The following NPFFR1 variants were observed in gnomAD, a reference collection of about 807,000 sequenced individuals.
NPFFR1 encodes the protein neuropeptide FF receptor 1, also known as G-protein coupled receptor 147.
A neutral mutation model predicts 12.7 loss-of-function variants in NPFFR1; 17 were observed. That is an observed-to-expected ratio of 1.34 (90% CI 0.92 to 2.01). The LOEUF (loss-of-function observed/expected upper bound fraction) is 2.01, where lower values mean the gene tolerates loss of function less well. Among genes scored for constraint, NPFFR1 ranks in the 30% most tolerant of loss-of-function variants. The pLI, the probability that NPFFR1 is intolerant of heterozygous loss-of-function variation, is 0.00. For synonymous variants in NPFFR1, 296 were observed against 264.5 expected, an observed-to-expected ratio of 1.12 and a Z score of -1.16; for missense variants, 604 against 606.5, an observed-to-expected ratio of 1.00 and a Z score of 0.04.
At chr10:70,270,785 G>A (rs566979386) in intron 1 of NPFFR1, among the ~76,000 whole-genome samples, 1 of 152,318 alleles carries the variant, frequency 6.6e-6, no homozygotes, top group Admixed American at 6.5e-5. Context: ...TCTGCCAGGT[G>A]CCCTTGTAAT....
chr10:70,259,767 T>C (rs1840614406), intron 3 of NPFFR1, among the ~76,000 whole-genome samples: 1 of 152,250 alleles, frequency 6.6e-6, no homozygotes, highest in African/African-American at 2.4e-5. Context: ...ATATTTGGAC[T>C]CTATGCCAAG....
chr10:70,267,686 T>A (rs1166902985), intron 1 of NPFFR1, among the ~76,000 whole-genome samples: 1 of 152,222 alleles, frequency 6.6e-6, no homozygotes, highest in Non-Finnish European at 1.5e-5. Flanking sequence ...TAAACTTTCC[T>A]CCTGAGGCCT....
At position 70,255,649 on chromosome 10, in the gene NPFFR1, AGAGCGGGTAG is replaced by A; in HGVS notation, c.591_600del (p.Tyr198ThrfsTer259). 6.3e-7 allele frequency: 1 copy of A among 1,593,770 alleles called. No individual in the cohort carries two copies. The highest frequency in any genetic ancestry group is 8.5e-7 in the Non-Finnish European group (1 of 1,170,414). Reference sequence around the variant, plus strand: ...TCGGGCCAGGCCTCCCAGCAGGAGTAGAGCGGGTAGGAGCGGTTGCGGGCGTCCACCATGA... The same window carrying A: ...TCGGGCCAGGCCTCCCAGCAGGAGTAGAGCGGTTGCGGGCGTCCACCATGA... On this transcript the variant is annotated frameshift_variant, in exon 4 of 4. Coordinates refer to ENST00000277942, the MANE Select transcript of NPFFR1 (RefSeq NM_022146.5). LOFTEE classifies it low-confidence loss of function (END_TRUNC). The surrounding 1 kb of genome is among the most constrained non-coding windows in gnomAD (Gnocchi z 4.2).
intron 1 of NPFFR1, among the ~76,000 whole-genome samples, chr10:70,266,721 C>T (rs1440993596): frequency 6.6e-6 from 1 of 152,240 alleles, no homozygotes; most frequent in Non-Finnish European, 1.5e-5. Flanking sequence ...CTGCATTGCC[C>T]TGGTTCCCTT....
intron 1 of NPFFR1, among the ~76,000 whole-genome samples, chr10:70,282,059 G>A (rs1400523367): frequency 6.6e-6 from 1 of 152,104 alleles, no homozygotes; most frequent in Non-Finnish European, 1.5e-5. Context: ...TCAGTTTTCT[G>A]GCACTTCCTT....
In NPFFR1 at chr10:70,283,799, T is replaced by G; in HGVS notation, c.-123A>C. On this transcript the variant is annotated 5_prime_UTR_variant, in exon 1 of 4. Transcript: ENST00000277942. ...GCGGGCTGCGCCCCTGCCTCCGCGCTCCGCAGGTCCGGTCGGTCCGGGCAG... is the reference window on the plus strand; with the variant it reads ...GCGGGCTGCGCCCCTGCCTCCGCGCGCCGCAGGTCCGGTCGGTCCGGGCAG... The G allele has an allele frequency of 9.1e-7, 1 of 1,096,130 alleles. No individual in the cohort carries two copies. The highest frequency in any genetic ancestry group is 2.1e-5 in the Admixed American group (1 of 48,160). The allele number at this position is 1,096,130 out of a possible 1,614,324, so 67.9% of individuals were successfully genotyped here. A position where few individuals can be genotyped will look rare whatever the true frequency, so the allele number is the denominator to read the frequency against.
intron 3 of NPFFR1, 109 bp downstream of exon 3, chr10:70,260,531 A>G (rs1840620603): frequency 1.0e-6 from 1 of 967,508 alleles, no homozygotes; most frequent in Admixed American, 2.0e-5. Flanking sequence ...AGCCCCACTT[A>G]CCATGGTGCA....
At position 70,253,388 on chromosome 10, in the gene NPFFR1, A is replaced by G. The variant is rs754111005; in HGVS notation, c.*1569T>C. On this transcript the variant is annotated 3_prime_UTR_variant, in exon 4 of 4. Coordinates refer to ENST00000277942, the MANE Select transcript of NPFFR1 (RefSeq NM_022146.5). ...CTTGAAAGGCAGCATGTGGGGTGGG[A>G]AGAACAATCAGAAGACAAATTTTAA... is the stretch of plus-strand genomic sequence containing the variant. 2 of 152,158 alleles carry G rather than the reference A, an allele frequency of 1.3e-5. No homozygotes were observed. The highest frequency in any genetic ancestry group is 2.9e-5 in the Non-Finnish European group (2 of 68,032). 9.4% of individuals were successfully genotyped at this position (152,158 alleles called of 1,614,324 possible).
In NPFFR1 at chr10:70,248,378, G is replaced by C. The variant is rs1840471096; in HGVS notation, c.*6579C>G. ...CCTACCTGAATCCACAAAGGTAAGT[G>C]AAATAGACATAGTTCCTGTCCTCAT... On this transcript the variant is annotated 3_prime_UTR_variant, in exon 4 of 4. Coordinates refer to ENST00000277942, the MANE Select transcript of NPFFR1 (RefSeq NM_022146.5). 6.6e-6 allele frequency: 1 copy of C among 150,916 alleles called. No individual in the cohort carries two copies. Among genetic ancestry groups the C allele is most frequent in the Non-Finnish European group, 1.5e-5 (1 of 67,840 alleles). The allele number at this position is 150,916 out of a possible 1,614,324, so 9.3% of individuals were successfully genotyped here.
chr10:70,268,352 C>G (rs900507410), intron 1 of NPFFR1, among the ~76,000 whole-genome samples: 4 of 152,176 alleles, frequency 2.6e-5, no homozygotes, highest in Admixed American at 6.5e-5. Flanking sequence ...AAATAGCCAG[C>G]ATCCAGCAAA....
rs755115021 is a variant in NPFFR1, at chr10:70,252,658, T to C, written c.*2299A>G. ...CTGAATGGGCAGGTATAGCCTCTGA[T>C]TGATTTTTTAGAAGAAACAAAAATA... On this transcript the variant is annotated 3_prime_UTR_variant, in exon 4 of 4. Coordinates refer to ENST00000277942, the MANE Select transcript of NPFFR1 (RefSeq NM_022146.5). 2 of 152,234 alleles carry C rather than the reference T, an allele frequency of 1.3e-5. No homozygotes were observed. Among genetic ancestry groups the C allele is most frequent in the Admixed American group, 6.5e-5 (1 of 15,282 alleles). The allele number at this position is 152,234 out of a possible 1,614,324, so 9.4% of individuals were successfully genotyped here.
At position 70,255,208 on chromosome 10, in the gene NPFFR1, G is replaced by A. The variant is rs561944563; in HGVS notation, c.1042C>T (p.Leu348Phe). 2.6e-6 allele frequency: 4 copies of A among 1,549,792 alleles called. No homozygotes were observed. The African/African-American group carries it at 5.4e-5, about 21-fold the overall frequency. The change falls in exon 4 of 4, where the codon CTC becomes TTC. Residue 348 changes from leucine to phenylalanine, a missense_variant. Coordinates refer to ENST00000277942, the MANE Select transcript of NPFFR1 (RefSeq NM_022146.5). This position sits in a 1 kb window ranked among gnomAD's most constrained non-coding sequence, Gnocchi z 4.2. ...TGGCTCCCCGACGGGCGCGGGCAGAGGCGGGCGCGGAAGGCGGCCTGGAAG... is the reference window on the plus strand; with the variant it reads ...TGGCTCCCCGACGGGCGCGGGCAGAAGCGGGCGCGGAAGGCGGCCTGGAAG... ...RGFQAAFRAR[L>F]CPRPSGSHKE...
chr10:70,272,393 G>A (rs1204483080), intron 1 of NPFFR1, among the ~76,000 whole-genome samples: 2 of 152,222 alleles, frequency 1.3e-5, no homozygotes, highest in Non-Finnish European at 1.5e-5. Flanking sequence ...CTGGGAACAC[G>A]TGGGTGCCCC....
intron 1 of NPFFR1, among the ~76,000 whole-genome samples, chr10:70,274,987 T>C (rs1475435288): frequency 6.6e-6 from 1 of 152,198 alleles, no homozygotes; most frequent in Non-Finnish European, 1.5e-5. Context: ...CCTCCTACTG[T>C]TCCTCTTGCA....
chr10:70,254,944 TC>T lies in NPFFR1; in HGVS notation c.*12del. The T allele has an allele frequency of 1.1e-6, 1 of 944,818 alleles. No individual in the cohort carries two copies. 58.5% of individuals were successfully genotyped at this position (944,818 alleles called of 1,614,324 possible). A position where few individuals can be genotyped will look rare whatever the true frequency, so the allele number is the denominator to read the frequency against. On this transcript the variant is annotated 3_prime_UTR_variant, in exon 4 of 4. Coordinates refer to ENST00000277942, the MANE Select transcript of NPFFR1 (RefSeq NM_022146.5). ...GGGGCCCTGAGGCAGCGTCCCGCCC[TC>T]CCTGGACCCCCTCAGATATCCCAGG...
At chr10:70,282,976 C>T (rs778736143) in intron 1 of NPFFR1, among the ~76,000 whole-genome samples, 9 of 152,066 alleles carry the variant, frequency 5.9e-5, no homozygotes, top group African/African-American at 9.7e-5. Flanking sequence ...CTCTAGAATC[C>T]CATCTCCCCA....
At chr10:70,259,917 G>A (rs1190636678) in intron 3 of NPFFR1, among the ~76,000 whole-genome samples, 1 of 152,226 alleles carries the variant, frequency 6.6e-6, no homozygotes, top group East Asian at 1.9e-4. Context: ...CAAGGCAGGA[G>A]TGAGCAAATC....
chr10:70,278,676 G>T (rs921748580), intron 1 of NPFFR1, among the ~76,000 whole-genome samples: 4 of 152,084 alleles, frequency 2.6e-5, no homozygotes, highest in African/African-American at 9.7e-5. Context: ...CAATTCACGA[G>T]TTTTTTCTGA....
At chr10:70,260,765 G>T (rs757588656) in intron 2 of NPFFR1, 26 bp from the exon 3 acceptor site, 6 of 1,556,350 alleles carry the variant, frequency 3.9e-6, no homozygotes, top group Non-Finnish European at 5.2e-6. Flanking sequence ...CCCCCACAGA[G>T]TGAGAGATGC....
Sources: allele counts gnomAD v4.1 joint callset (sites outside exome capture counted in the v4.1 genomes callset), GRCh38; gene constraint gnomAD v4.1.1; non-coding constraint Gnocchi (gnomAD v3.1); transcripts MANE v1.5; gene names NCBI Gene and HGNC (gene_info 2026-07-23, HGNC 2026-07-21).